CNNM4: variants seen among roughly 807,000 people sequenced by gnomAD.
The protein encoded by CNNM4 is metal transporter CNNM4.
In CNNM4, 32 loss-of-function variants were observed where a neutral mutation model predicts 53.7. The observed-to-expected ratio is 0.60, with a 90% CI of 0.45 to 0.80. The LOEUF is 0.80. Among genes scored for constraint, CNNM4 ranks in the 30% least tolerant of loss-of-function variants. CNNM4 has a pLI of 0.00. For synonymous variants in CNNM4, 410 were observed against 440.0 expected, an observed-to-expected ratio of 0.93 and a Z score of 0.85; for missense variants, 784 against 1,022.0, an observed-to-expected ratio of 0.77 and a Z score of 3.17.
At chr2:96,776,751 T>C (rs1293245581) in intron 1 of CNNM4, among the ~76,000 whole-genome samples, 1 of 149,852 alleles carries the variant, frequency 6.7e-6, no homozygotes, top group Non-Finnish European at 1.5e-5. Context: ...TAGCTGGGAT[T>C]ACAGGCATGA....
chr2:96,796,317 GTAT>G (rs1042537562), intron 1 of CNNM4, among the ~76,000 whole-genome samples: 2 of 151,564 alleles, frequency 1.3e-5, no homozygotes, highest in Non-Finnish European at 2.9e-5. Flanking sequence ...GCTGATTTTT[GTAT>G]TTTTAGTAGA....
In CNNM4 at chr2:96,810,655, G is replaced by A. The variant is rs546215807; in HGVS notation, c.*1138G>A. 91 of 152,430 alleles carry A rather than the reference G, an allele frequency of 6.0e-4. 1 individual carries two copies. Among genetic ancestry groups the A allele is most frequent in the African/African-American group, 2.2e-3 (90 of 41,558 alleles). 9.4% of individuals were successfully genotyped at this position (152,430 alleles called of 1,614,324 possible). A position where few individuals can be genotyped will look rare whatever the true frequency, so the allele number is the denominator to read the frequency against. ...GACAAGAGGACATGTGGGAAGCCAC[G>A]GAAGCAGGTTCTTTATGTCCTCTCC... On this transcript the variant is annotated 3_prime_UTR_variant, in exon 7 of 7. Coordinates refer to ENST00000377075, the MANE Select transcript of CNNM4 (RefSeq NM_020184.4). This position sits in a 1 kb window ranked among gnomAD's most constrained non-coding sequence, Gnocchi z 4.1.
At chr2:96,805,418 G>GTTTTTTTTTTTTTTTTTTTTTTTA (rs898761608) in intron 5 of CNNM4, among the ~76,000 whole-genome samples, 1 of 76,158 alleles carries the variant, frequency 1.3e-5, no homozygotes, top group African/African-American at 4.9e-5. Flanking sequence ...CTTCTTTTCA[G>GTTTTTTTTTTTTTTTTTTTTTTTA]TTTTTTTTTT....
chr2:96,792,300 A>G (rs1241281955), intron 1 of CNNM4, among the ~76,000 whole-genome samples: 2 of 152,048 alleles, frequency 1.3e-5, no homozygotes, highest in Admixed American at 6.6e-5. Context: ...TAGAATTTAT[A>G]CAATGAGAAT....
Position 96,801,778 on chromosome 2 carries a change from T to C in CNNM4, c.1948+2130T>C, listed in dbSNP as rs1040155086. Among the ~76,000 whole-genome samples, 1 of 145,762 alleles carries C rather than the reference T, an allele frequency of 6.9e-6. No individual in the cohort carries two copies. Among genetic ancestry groups the C allele is most frequent in the Non-Finnish European group, 1.5e-5 (1 of 66,742 alleles). ...ACCCAGACACACACACAGACAGAGA[T>C]ACTACAGACACCCATAGACAGAGAT... On this transcript the variant is annotated intron_variant, in intron 5 of 6. Coordinates refer to ENST00000377075, the MANE Select transcript of CNNM4 (RefSeq NM_020184.4). This position sits in a 1 kb window ranked among gnomAD's most constrained non-coding sequence, Gnocchi z 5.6.
chr2:96,806,525 A>ACG (rs1558997931), intron 5 of CNNM4, among the ~76,000 whole-genome samples: 5 of 141,906 alleles, frequency 3.5e-5, no homozygotes, highest in Non-Finnish European at 4.6e-5. Context: ...ACACACACAC[A>ACG]CACACACACA....
intron 5 of CNNM4, 97 bp downstream of exon 5, chr2:96,799,745 T>TA: frequency 9.4e-7 from 1 of 1,058,846 alleles, no homozygotes; most frequent in Middle Eastern, 2.8e-4. Flanking sequence ...CGAGAGCTCA[T>TA]AGCCAGCTGG....
rs890054622 is a variant in CNNM4, at chr2:96,800,768, A to G, written c.1948+1120A>G. Among the ~76,000 whole-genome samples, 2 of 152,214 alleles carry G rather than the reference A, an allele frequency of 1.3e-5. No homozygotes were observed. Among genetic ancestry groups the G allele is most frequent in the Non-Finnish European group, 2.9e-5 (2 of 68,028 alleles). On this transcript the variant is annotated intron_variant, in intron 5 of 6. Transcript: ENST00000377075. This position sits in a 1 kb window ranked among gnomAD's most constrained non-coding sequence, Gnocchi z 4.6. Reference sequence around the variant, plus strand: ...CCCCCAGGCACTGTTTGTGCAGTGAAGCCTCAGAGGCCCGGTTAGGGCCCA... The same window carrying G: ...CCCCCAGGCACTGTTTGTGCAGTGAGGCCTCAGAGGCCCGGTTAGGGCCCA...
intron 1 of CNNM4, among the ~76,000 whole-genome samples, chr2:96,780,884 G>A (rs1232639039): frequency 4.1e-5 from 6 of 144,822 alleles, no homozygotes; most frequent in Non-Finnish European, 6.0e-5. Context: ...GACTACAGGC[G>A]CGTACCACCA....
At chr2:96,793,803 A>C (rs559316584) in intron 1 of CNNM4, among the ~76,000 whole-genome samples, 1 of 152,300 alleles carries the variant, frequency 6.6e-6, no homozygotes, top group Non-Finnish European at 1.5e-5. Flanking sequence ...GTCTCTACTA[A>C]AAATGCAAAA....
chr2:96,797,134 C>T lies in CNNM4; in HGVS notation c.1525C>T (p.Leu509=), dbSNP rs772612170. 16 of 1,614,060 alleles carry T rather than the reference C, an allele frequency of 9.9e-6. 1 individual carries two copies. In the South Asian group the frequency reaches 1.4e-4, roughly 14 times the overall value. The change falls in exon 2 of 7, where the codon CTG becomes TTG. Residue 509 remains leucine, a synonymous_variant. Transcript: ENST00000377075. The surrounding 1 kb of genome is among the most constrained non-coding windows in gnomAD (Gnocchi z 6.0). ...CGAGGAGATCATCAAGTCGGAGATCCTGGACGAGTCCGACATGTACAGTGA... is the reference window on the plus strand; with the variant it reads ...CGAGGAGATCATCAAGTCGGAGATCTTGGACGAGTCCGACATGTACAGTGA... The part of the protein sequence containing the change: ...VIEEIIKSEI[L]DESDMYTDNR...
At chr2:96,771,680 C>T (rs1230281879) in intron 1 of CNNM4, among the ~76,000 whole-genome samples, 1 of 150,720 alleles carries the variant, frequency 6.6e-6, no homozygotes, top group Non-Finnish European at 1.5e-5. Context: ...TGCCACTGCA[C>T]TCCAGCCTGG....
intron 1 of CNNM4, among the ~76,000 whole-genome samples, chr2:96,788,421 T>C (rs961745895): frequency 3.9e-5 from 6 of 152,062 alleles, no homozygotes; most frequent in African/African-American, 1.4e-4. Context: ...GGGAGCAACA[T>C]AGATGAGCCC....
Position 96,762,307 on chromosome 2 carries a change from C to G in CNNM4, c.1308C>G (p.Thr436=), listed in dbSNP as rs1325276078. The change falls in exon 1 of 7, where the codon ACC becomes ACG. Residue 436 remains threonine (T), a synonymous_variant. Transcript: ENST00000377075. ...CCTTTGTGGACCCCGATGACTGCAC[C>G]CCCCTCAAGACTATCACTCGCTTCT... ...DLAFVDPDDC[T]PLKTITRFYN... The G allele has an allele frequency of 1.9e-6, 3 of 1,614,098 alleles. No homozygotes were observed. In the East Asian group the frequency reaches 6.7e-5, roughly 36 times the overall value.
At chr2:96,798,974 G>T in intron 3 of CNNM4, 83 bp from the exon 4 acceptor site, 2 of 1,370,846 alleles carry the variant, frequency 1.5e-6, no homozygotes, top group Non-Finnish European at 2.1e-6. Flanking sequence ...GGCTGCTGTG[G>T]TTGGGGTGGA....
At chr2:96,806,526 C>CAA (rs1558997934) in intron 5 of CNNM4, among the ~76,000 whole-genome samples, 15 of 143,420 alleles carry the variant, frequency 1.0e-4, no homozygotes, top group African/African-American at 3.2e-4. Flanking sequence ...CACACACACA[C>CAA]ACACACACAC....
Position 96,810,504 on chromosome 2 carries a change from C to G in CNNM4, c.*987C>G, listed in dbSNP as rs906821795. 6.5e-6 allele frequency: 1 copy of G among 152,728 alleles called. No homozygotes were observed. The highest frequency in any genetic ancestry group is 1.9e-4 in the East Asian group (1 of 5,198). The allele number at this position is 152,728 out of a possible 1,614,324, so 9.5% of individuals were successfully genotyped here. The stretch of plus-strand genomic sequence containing the variant: ...AGAAGGAACTGTCAGTCATCAGCAT[C>G]TGCGTTGTTAGCAGTCAGTACCACC... On this transcript the variant is annotated 3_prime_UTR_variant, in exon 7 of 7. Transcript: ENST00000377075. The surrounding 1 kb of genome is among the most constrained non-coding windows in gnomAD (Gnocchi z 4.1).
intron 1 of CNNM4, among the ~76,000 whole-genome samples, chr2:96,789,727 G>A (rs1369038871): frequency 2.7e-5 from 4 of 150,624 alleles, no homozygotes; most frequent in African/African-American, 9.8e-5. Context: ...GACAGAGTCT[G>A]TGTCGCCCAG....
chr2:96,791,942 A>G (rs1415525101), intron 1 of CNNM4, among the ~76,000 whole-genome samples: 3 of 147,776 alleles, frequency 2.0e-5, no homozygotes, highest in African/African-American at 7.4e-5. Flanking sequence ...GTGCAGTGGC[A>G]TGATCTTGCC....
Sources: allele counts gnomAD v4.1 joint callset (sites outside exome capture counted in the v4.1 genomes callset), GRCh38; gene constraint gnomAD v4.1.1; non-coding constraint Gnocchi (gnomAD v3.1); transcripts MANE v1.5; gene names NCBI Gene and HGNC (gene_info 2026-07-23, HGNC 2026-07-21).